The following CSMD3 variants were observed in gnomAD, a reference collection of about 807,000 sequenced individuals.
The protein encoded by CSMD3 is CUB and Sushi multiple domains 3.
A neutral mutation model predicts 435.2 loss-of-function variants in CSMD3; 177 were observed. The ratio of observed to expected loss-of-function variants is 0.41; its 90% CI spans 0.36 to 0.46. CSMD3 has a LOEUF of 0.46. Among genes scored for constraint, CSMD3 ranks in the 20% least tolerant of loss-of-function variants. The probability of loss-of-function intolerance (pLI) is 0.34; values close to 1 mark genes in which losing one functional copy is unlikely to be tolerated. For missense variants in CSMD3, 4,265 were observed against 4,504.6 expected (o/e 0.95, Z 1.52); for synonymous variants, 1,656 against 1,520.5 (o/e 1.09, Z -2.07).
At chr8:112,260,164 C>T (rs1170755467) in intron 61 of CSMD3, among the ~76,000 whole-genome samples, 1 of 152,070 alleles carries the variant, frequency 6.6e-6, no homozygotes, top group African/African-American at 2.4e-5. Flanking sequence ...GAGAAAAAAG[C>T]ATTCCTCTTT....
At chr8:112,725,386 G>C (rs2076941678) in intron 13 of CSMD3, among the ~76,000 whole-genome samples, 1 of 151,614 alleles carries the variant, frequency 6.6e-6, no homozygotes, top group Non-Finnish European at 1.5e-5. Context: ...CAAAGATTTT[G>C]ACTACCTGTG....
chr8:112,744,339 A>G (rs1333588317), intron 13 of CSMD3, among the ~76,000 whole-genome samples: 1 of 152,100 alleles, frequency 6.6e-6, no homozygotes, highest in Non-Finnish European at 1.5e-5. Context: ...TTCTGGATGT[A>G]ACAGTTTAAT....
chr8:113,293,038 A>G (rs891763447), intron 2 of CSMD3, among the ~76,000 whole-genome samples: 2 of 151,868 alleles, frequency 1.3e-5, no homozygotes, highest in African/African-American at 2.4e-5. Context: ...TGATGTTCCA[A>G]TGTTAAATCA....
At chr8:112,319,835 G>T (rs2130865653) in intron 46 of CSMD3, 66 bp downstream of exon 46, 1 of 1,125,014 alleles carries the variant, frequency 8.9e-7, no homozygotes, top group Non-Finnish European at 1.4e-6. Context: ...CTGTATTTTG[G>T]CTTATTTTTA....
At chr8:112,430,618 A>C (rs561009367) in intron 32 of CSMD3, among the ~76,000 whole-genome samples, 1 of 152,032 alleles carries the variant, frequency 6.6e-6, no homozygotes, top group African/African-American at 2.4e-5. Flanking sequence ...ATAAAAGAAC[A>C]CTTATGAACT....
At chr8:112,414,286 T>C (rs552542749) in intron 32 of CSMD3, among the ~76,000 whole-genome samples, 5 of 152,232 alleles carry the variant, frequency 3.3e-5, no homozygotes, top group South Asian at 2.1e-4. Flanking sequence ...TGAGAGGTAA[T>C]TGAATCATGG....
At chr8:113,405,326 T>G (rs1301479033) in intron 1 of CSMD3, among the ~76,000 whole-genome samples, 1 of 151,530 alleles carries the variant, frequency 6.6e-6, no homozygotes, top group African/African-American at 2.4e-5. Context: ...ATTTGAGAAG[T>G]AGGCAGACAT....
At chr8:112,852,346 T>C (rs2080515878) in intron 11 of CSMD3, among the ~76,000 whole-genome samples, 1 of 152,168 alleles carries the variant, frequency 6.6e-6, no homozygotes, top group African/African-American at 2.4e-5. Flanking sequence ...TTTGTTTTCC[T>C]GCAAAAGTCA....
intron 5 of CSMD3, among the ~76,000 whole-genome samples, chr8:113,032,713 A>C (rs562131248): frequency 2.0e-5 from 3 of 151,800 alleles, no homozygotes; most frequent in African/African-American, 7.2e-5. Context: ...CAACTGCAGA[A>C]ATGTGCATAA....
intron 66 of CSMD3, among the ~76,000 whole-genome samples, chr8:112,240,186 T>G (rs1262846979): frequency 6.6e-6 from 1 of 152,118 alleles, no homozygotes; most frequent in Non-Finnish European, 1.5e-5. Flanking sequence ...ATTTCCTCAT[T>G]GAACTTTAAT....
chr8:112,981,653 T>A (rs1331633588), intron 6 of CSMD3, among the ~76,000 whole-genome samples: 3 of 151,698 alleles, frequency 2.0e-5, no homozygotes, highest in East Asian at 3.9e-4. Context: ...GTGGTACATC[T>A]ACTAAAATCA....
chr8:112,323,897 T>C (rs1197680634), intron 45 of CSMD3, among the ~76,000 whole-genome samples: 4 of 152,030 alleles, frequency 2.6e-5, no homozygotes, highest in Non-Finnish European at 5.9e-5. Context: ...GTAAATATAC[T>C]CATGTTACCA....
chr8:113,197,716 G>GAA (rs2132015439), intron 3 of CSMD3, among the ~76,000 whole-genome samples: 1 of 151,242 alleles, frequency 6.6e-6, no homozygotes, highest in African/African-American at 2.4e-5. Context: ...CGATCTTATA[G>GAA]TACAGAATAT....
At chr8:113,036,436 G>C (rs2087354895) in intron 5 of CSMD3, among the ~76,000 whole-genome samples, 1 of 151,724 alleles carries the variant, frequency 6.6e-6, no homozygotes, top group Admixed American at 6.6e-5. Flanking sequence ...ACAGCTTCAG[G>C]TTTACTCAAC....
chr8:112,585,616 A>T (rs979519634), intron 23 of CSMD3, among the ~76,000 whole-genome samples: 1 of 151,716 alleles, frequency 6.6e-6, no homozygotes, highest in Non-Finnish European at 1.5e-5. Context: ...TAATACCAGT[A>T]TAGGAAAGAA....
chr8:112,943,787 T>G (rs1179541694), intron 9 of CSMD3, among the ~76,000 whole-genome samples: 2 of 151,736 alleles, frequency 1.3e-5, no homozygotes, highest in African/African-American at 2.4e-5. Context: ...CTTCAACTTC[T>G]GCTTCTGAAA....
At chr8:112,747,819 C>T (rs1349270088) in intron 13 of CSMD3, among the ~76,000 whole-genome samples, 1 of 152,038 alleles carries the variant, frequency 6.6e-6, no homozygotes, top group South Asian at 2.1e-4. Flanking sequence ...AAAAATTAGC[C>T]GGGCGCAGTG....
intron 6 of CSMD3, among the ~76,000 whole-genome samples, chr8:112,991,046 A>G (rs1280145359): frequency 4.0e-5 from 6 of 151,830 alleles, no homozygotes; most frequent in East Asian, 1.9e-4. Context: ...ATTTTAACCC[A>G]TAATAATTAT....
intron 31 of CSMD3, among the ~76,000 whole-genome samples, chr8:112,477,895 T>G (rs951606155): frequency 6.6e-6 from 1 of 152,154 alleles, no homozygotes; most frequent in Non-Finnish European, 1.5e-5. Flanking sequence ...CAGCCAAATC[T>G]CATCTTAAAT....
Sources: allele counts gnomAD v4.1 joint callset (sites outside exome capture counted in the v4.1 genomes callset), GRCh38; gene constraint gnomAD v4.1.1; transcripts MANE v1.5; gene names NCBI Gene and HGNC (gene_info 2026-07-23, HGNC 2026-07-21).